TENM1: variants seen among roughly 807,000 people sequenced by gnomAD.
The protein encoded by TENM1 is teneurin transmembrane protein 1, also known as teneurin-1.
A neutral mutation model predicts 174.8 loss-of-function variants in TENM1; 35 were observed. That is an observed-to-expected ratio of 0.20 (90% CI 0.15 to 0.27). The LOEUF (loss-of-function observed/expected upper bound fraction) is 0.27, where lower values mean the gene tolerates loss of function less well. Among genes scored for constraint, TENM1 ranks in the 10% least tolerant of loss-of-function variants. The pLI is 1.00. For missense variants in TENM1, 1,633 were observed against 2,130.1 expected, an observed-to-expected ratio of 0.77 and a Z score of 4.59; for synonymous variants, 781 against 798.7, an observed-to-expected ratio of 0.98 and a Z score of 0.37.
intron 22 of TENM1, among the ~76,000 whole-genome samples, chrX:124,472,064 C>T (rs1283386313): frequency 9.3e-6 from 1 of 107,761 alleles, no homozygotes; most frequent in Admixed American, 1.0e-4. Flanking sequence ...GCTGGAAATT[C>T]CAAATAATGT....
chrX:124,705,440 CT>C (rs1336366986), intron 4 of TENM1, among the ~76,000 whole-genome samples, 189 bp from the exon 8 acceptor site: 3 of 110,023 alleles, frequency 2.7e-5, no homozygotes, highest in Non-Finnish European at 3.8e-5. Flanking sequence ...TTTTCTTTGT[CT>C]TTTTTTTTCT....
intron 11 of TENM1, among the ~76,000 whole-genome samples, chrX:124,605,087 C>T (rs1281924194): frequency 9.4e-6 from 1 of 105,990 alleles, no homozygotes; most frequent in Non-Finnish European, 1.9e-5. Flanking sequence ...GCAAGGACTA[C>T]TGTGAAGTCA....
At chrX:124,812,384 A>G (rs1375813848) in intron 3 of TENM1, among the ~76,000 whole-genome samples, 1 of 111,811 alleles carries the variant, frequency 8.9e-6, no homozygotes, top group African/African-American at 3.2e-5. Flanking sequence ...GTGTCAGGAA[A>G]GAAAAGAAAC....
the TENM1 span, among the ~76,000 whole-genome samples, chrX:124,970,059 T>C: frequency 1.8e-5 from 2 of 111,975 alleles, no homozygotes; most frequent in African/African-American, 6.5e-5. Context: ...CAATCTACTG[T>C]AGCATAGCTG....
chrX:124,516,712 CATAA>C (rs775540259), intron 18 of TENM1, among the ~76,000 whole-genome samples: 29 of 111,899 alleles, frequency 2.6e-4, no homozygotes, highest in Non-Finnish European at 2.3e-4. Context: ...TTGGTGGGAG[CATAA>C]ATTTAGTTCA....
chrX:125,097,496 G>A, the TENM1 span, among the ~76,000 whole-genome samples: 2 of 111,952 alleles, frequency 1.8e-5, no homozygotes, highest in African/African-American at 6.5e-5. Context: ...ATGTTGTAAA[G>A]CAACACAAAG....
At chrX:124,705,153 G>C in exon 5 of TENM1, 3 of 1,211,477 alleles carry the variant, frequency 2.5e-6, no homozygotes, top group Non-Finnish European at 3.4e-6. Context: ...AAGAGGCCTG[G>C]GAGGGGGCGA....
chrX:124,392,883 C>G (rs771350313), intron 27 of TENM1, among the ~76,000 whole-genome samples: 1 of 111,517 alleles, frequency 9.0e-6, no homozygotes, highest in Non-Finnish European at 1.9e-5. Context: ...ACTCAGGTTG[C>G]CTTGCCCTCT....
At chrX:124,716,995 G>C (rs777295903) in intron 4 of TENM1, among the ~76,000 whole-genome samples, 10 of 110,506 alleles carry the variant, frequency 9.0e-5, no homozygotes, top group South Asian at 3.9e-4. Flanking sequence ...TCTCCTCCAA[G>C]CAAATTTTCC....
At chrX:124,389,225 T>G in intron 28 of TENM1, among the ~76,000 whole-genome samples, 1 of 112,846 alleles carries the variant, frequency 8.9e-6, no homozygotes, top group East Asian at 2.8e-4. Context: ...GAAGTCAAAC[T>G]ATTTTCACAA....
At chrX:124,865,018 T>C (rs2056976906) in intron 3 of TENM1, among the ~76,000 whole-genome samples, 1 of 111,294 alleles carries the variant, frequency 9.0e-6, no homozygotes, top group Admixed American at 9.5e-5. Context: ...TCAGTAAAAA[T>C]ATCCTTCAAG....
At chrX:124,474,488 A>C (rs969774225) in intron 22 of TENM1, among the ~76,000 whole-genome samples, 8 of 112,186 alleles carry the variant, frequency 7.1e-5, no homozygotes, top group Non-Finnish European at 9.4e-5. Context: ...TGATGCATAC[A>C]TGAAAATTAA....
At chrX:125,116,948 T>C in the TENM1 span, among the ~76,000 whole-genome samples, 1 of 106,177 alleles carries the variant, frequency 9.4e-6, no homozygotes, top group African/African-American at 3.5e-5. Flanking sequence ...GAGATGGAGA[T>C]TGCAGTGAGC....
chrX:124,610,842 C>T (rs1406556487), intron 11 of TENM1, among the ~76,000 whole-genome samples: 1 of 111,455 alleles, frequency 9.0e-6, no homozygotes, highest in Non-Finnish European at 1.9e-5. Flanking sequence ...CACTTTATCT[C>T]CCAAACATGC....
intron 1 of TENM1, among the ~76,000 whole-genome samples, chrX:124,932,181 C>T (rs2058182758): frequency 8.9e-6 from 1 of 111,859 alleles, no homozygotes; most frequent in Non-Finnish European, 1.9e-5. Flanking sequence ...AAGCCTGCTG[C>T]CAGCAGATAA....
Position 124,582,685 on chromosome X carries a change from A to T in TENM1, c.2078-17125T>A, listed in dbSNP as rs2049354887. On this transcript the variant is annotated intron_variant, in intron 11 of 31. Coordinates refer to ENST00000422452, the Ensembl canonical transcript of TENM1. ...CTAGGGAGTGCCAGACAGTGGGCGC[A>T]GGACAGTGGGTGCAGCACACCGTGT... Among the ~76,000 whole-genome samples the T allele has an allele frequency of 2.7e-5, 3 of 111,938 alleles. No homozygotes were observed. In the South Asian group the frequency reaches 1.1e-3, roughly 42 times the overall value.
the TENM1 span, among the ~76,000 whole-genome samples, chrX:125,135,355 T>C: frequency 8.9e-6 from 1 of 111,962 alleles, no homozygotes; most frequent in Non-Finnish European, 1.9e-5. Context: ...GGCTTTCAAA[T>C]GCTTGGCAGC....
chrX:124,634,932 G>A (rs983127162), intron 11 of TENM1, among the ~76,000 whole-genome samples: 1 of 111,547 alleles, frequency 9.0e-6, no homozygotes, highest in African/African-American at 3.3e-5. Flanking sequence ...TTGTTATAAT[G>A]AAGATATACA....
At chrX:124,602,833 G>C (rs1301097020) in intron 11 of TENM1, among the ~76,000 whole-genome samples, 1 of 111,416 alleles carries the variant, frequency 9.0e-6, no homozygotes, top group African/African-American at 3.3e-5. Context: ...AGTGTATTGG[G>C]TTAAATGGTA....
Sources: allele counts gnomAD v4.1 joint callset (sites outside exome capture counted in the v4.1 genomes callset), GRCh38; gene constraint gnomAD v4.1.1; transcripts MANE v1.5; gene names NCBI Gene and HGNC (gene_info 2026-07-23, HGNC 2026-07-21).